DNM3: variants seen among roughly 807,000 people sequenced by gnomAD.
DNM3 encodes the protein dynamin 3, also known as dynamin-3.
DNM3 carries 47 observed loss-of-function variants against 101.6 expected under a neutral mutation model. The ratio of observed to expected loss-of-function variants is 0.46; its 90% CI spans 0.37 to 0.59. The LOEUF (loss-of-function observed/expected upper bound fraction) is 0.59, where lower values mean the gene tolerates loss of function less well. Among genes scored for constraint, DNM3 ranks in the 20% least tolerant of loss-of-function variants. DNM3 has a pLI of 0.00. For missense variants in DNM3, 849 were observed against 1,085.7 expected (o/e 0.78, Z 3.06); for synonymous variants, 385 against 387.9 (o/e 0.99, Z 0.09).
At chr1:171,926,459 A>G (rs1247871715) in intron 2 of DNM3, among the ~76,000 whole-genome samples, 5 of 152,196 alleles carry the variant, frequency 3.3e-5, no homozygotes, top group African/African-American at 7.2e-5. Context: ...TCCCAGCACA[A>G]TTTGTTGAAA....
Position 171,988,982 on chromosome 1 carries a change from T to G in DNM3, c.423T>G (p.Thr141=), listed in dbSNP as rs186612008. The G allele has an allele frequency of 1.2e-6, 2 of 1,603,442 alleles. No homozygotes were observed. The highest frequency in any genetic ancestry group is 1.7e-5 in the Admixed American group (1 of 58,512). The change falls in exon 4 of 21, where the codon ACT becomes ACG. Residue 141 remains threonine (T), a synonymous_variant. Transcript: ENST00000627582. The stretch of plus-strand genomic sequence containing the variant: ...CCCTTATTGATCTACCTGGAATAAC[T>G]AAAGTGCCTGTGGGAGATCAGCCAC... ...NLTLIDLPGI[T]KVPVGDQPPD...
At chr1:172,018,110 G>A (rs762379022) in intron 4 of DNM3, among the ~76,000 whole-genome samples, 1 of 151,818 alleles carries the variant, frequency 6.6e-6, no homozygotes, top group African/African-American at 2.4e-5. Context: ...TGAATTTTTT[G>A]TAGATAATAT....
chr1:171,967,370 G>A (rs1018658275), intron 2 of DNM3, among the ~76,000 whole-genome samples: 1 of 152,050 alleles, frequency 6.6e-6, no homozygotes, highest in Non-Finnish European at 1.5e-5. Flanking sequence ...CTTTGTTGGG[G>A]TGTAGAAAAC....
exon 21 of DNM3, chr1:172,418,441 AAAAC>A (rs2071507014): frequency 1.3e-6 from 1 of 767,154 alleles, no homozygotes; most frequent in Non-Finnish European, 1.7e-6. Context: ...GTGTATAATA[AAAAC>A]AAAGTTTATT....
chr1:172,031,764 A>C (rs1306280737), intron 4 of DNM3, among the ~76,000 whole-genome samples: 2 of 152,048 alleles, frequency 1.3e-5, no homozygotes, highest in Admixed American at 1.3e-4. Context: ...AGACCTGGGG[A>C]GTTTTGGTGA....
At chr1:172,094,537 G>A (rs1468668296) in intron 13 of DNM3, among the ~76,000 whole-genome samples, 2 of 152,090 alleles carry the variant, frequency 1.3e-5, no homozygotes, top group Non-Finnish European at 2.9e-5. Context: ...TGTGGCCTGG[G>A]ACACATTGTG....
At position 172,273,574 on chromosome 1, in the gene DNM3, A is replaced by G. The variant is rs139752525; in HGVS notation, c.1769+19892A>G. On this transcript the variant is annotated intron_variant, in intron 15 of 20. Transcript: ENST00000627582. ...ACAAAGATTATAGCAAGCATAAACA[A>G]AAATAATTATTAAGGGTGTGGTAGA... Among the ~76,000 whole-genome samples, 1,152 of 152,244 alleles carry G rather than the reference A, an allele frequency of 7.6e-3. 14 individuals carry two copies. Among genetic ancestry groups the G allele is most frequent in the African/African-American group, 0.026 (1,068 of 41,572 alleles).
In DNM3 at chr1:172,236,327, G is replaced by A. The variant is rs556383217; in HGVS notation, c.1660-17246G>A. ...AGAAGAACCTATAAAAAATAATGTA[G>A]TACGATGTTTTTGTTATACTTCAAG... On this transcript the variant is annotated intron_variant, in intron 14 of 20. Coordinates refer to ENST00000627582, the MANE Select transcript of DNM3 (RefSeq NM_015569.5). 7.2e-5 allele frequency among the ~76,000 whole-genome samples: 11 copies of A among 152,192 alleles called. No homozygotes were observed. The South Asian group carries it at 2.3e-3, about 32-fold the overall frequency.
chr1:172,109,200 C>A (rs2055279295), intron 13 of DNM3, among the ~76,000 whole-genome samples: 1 of 152,104 alleles, frequency 6.6e-6, no homozygotes, highest in South Asian at 2.1e-4. Flanking sequence ...AACTGATTTT[C>A]TTAATAAAGC....
chr1:172,050,635 AT>A (rs1208404469), intron 10 of DNM3, among the ~76,000 whole-genome samples: 2 of 152,200 alleles, frequency 1.3e-5, no homozygotes, highest in Non-Finnish European at 2.9e-5. Flanking sequence ...GTGAGGGATT[AT>A]AAAAATCTGG....
At chr1:172,053,609 G>A (rs2050364255) in intron 10 of DNM3, among the ~76,000 whole-genome samples, 1 of 151,870 alleles carries the variant, frequency 6.6e-6, no homozygotes, top group Non-Finnish European at 1.5e-5. Flanking sequence ...CTCCACATAG[G>A]GGCATTTTAT....
At chr1:171,933,469 A>G (rs1282056457) in intron 2 of DNM3, among the ~76,000 whole-genome samples, 1 of 152,232 alleles carries the variant, frequency 6.6e-6, no homozygotes, top group Non-Finnish European at 1.5e-5. Context: ...CAATGAACAA[A>G]ACAAATACAC....
chr1:172,370,359 T>C (rs1468266521), intron 17 of DNM3: 2 of 152,002 alleles, frequency 1.3e-5, no homozygotes, highest in African/African-American at 4.8e-5. Flanking sequence ...ATTTGCCATT[T>C]TCTACTATAT....
chr1:172,321,224 G>A (rs1325506781), intron 16 of DNM3, among the ~76,000 whole-genome samples: 1 of 152,198 alleles, frequency 6.6e-6, no homozygotes, highest in Non-Finnish European at 1.5e-5. Flanking sequence ...TGTAGGAGAA[G>A]AAGAGGAATA....
intron 4 of DNM3, among the ~76,000 whole-genome samples, chr1:172,030,951 G>A (rs1229259919): frequency 6.6e-6 from 1 of 152,192 alleles, no homozygotes; most frequent in Non-Finnish European, 1.5e-5. Flanking sequence ...GACACTGTTG[G>A]TGGGAGTGTA....
At chr1:171,980,536 A>T (rs1474012191) in intron 2 of DNM3, among the ~76,000 whole-genome samples, 1 of 152,084 alleles carries the variant, frequency 6.6e-6, no homozygotes, top group Non-Finnish European at 1.5e-5. Flanking sequence ...AGTGCTACAG[A>T]ACTCTGGAAG....
chr1:172,099,019 T>C (rs1426111246), intron 13 of DNM3, among the ~76,000 whole-genome samples: 1 of 152,158 alleles, frequency 6.6e-6, no homozygotes, highest in Non-Finnish European at 1.5e-5. Flanking sequence ...AGTTGGAAGG[T>C]GGCATAAAGC....
intron 13 of DNM3, among the ~76,000 whole-genome samples, chr1:172,123,858 C>T (rs925210785): frequency 2.6e-5 from 4 of 152,150 alleles, no homozygotes; most frequent in Admixed American, 6.6e-5. Flanking sequence ...GTGGCTATCC[C>T]TCTTTGAGGT....
rs768023241 is a variant in DNM3, at chr1:172,253,555, T to A, written c.1660-18T>A. The A allele has an allele frequency of 6.6e-7, 1 of 1,506,888 alleles. No homozygotes were observed. Among genetic ancestry groups the A allele is most frequent in the South Asian group, 1.2e-5 (1 of 83,020 alleles). 93.3% of individuals were successfully genotyped at this position (1,506,888 alleles called of 1,614,324 possible). On this transcript the variant is annotated intron_variant, in intron 14 of 20. Transcript: ENST00000627582. ...CTCTCCTCTCCTCTCCCTCTTTTCT[T>A]TCTCTCTCTTATAATAGGAAAAAGA...
Sources: gnomAD v4.1 joint callset for allele counts (sites outside exome capture counted in the v4.1 genomes callset) on GRCh38, gnomAD v4.1.1 for gene constraint, MANE v1.5 for transcripts, NCBI Gene and HGNC (gene_info 2026-07-23, HGNC 2026-07-21) for gene names.